The following CMTM8 variants were observed in gnomAD, a reference collection of about 807,000 sequenced individuals.
CMTM8 encodes the protein CKLF-like MARVEL transmembrane domain-containing protein 8.
Under a neutral mutation model 18.6 loss-of-function variants are expected in CMTM8, and 12 were observed. That is an observed-to-expected ratio of 0.65 (90% CI 0.41 to 1.05). The LOEUF (loss-of-function observed/expected upper bound fraction) is 1.05, where lower values mean the gene tolerates loss of function less well. Among genes scored for constraint, CMTM8 ranks in the 50% least tolerant of loss-of-function variants. CMTM8 has a pLI of 0.00. For synonymous variants in CMTM8, 87 were observed against 90.6 expected, an observed-to-expected ratio of 0.96 and a Z score of 0.23; for missense variants, 217 against 227.2, an observed-to-expected ratio of 0.95 and a Z score of 0.29.
chr3:32,366,813 G>A (rs1163561925), intron 2 of CMTM8, among the ~76,000 whole-genome samples: 1 of 152,002 alleles, frequency 6.6e-6, no homozygotes, highest in Non-Finnish European at 1.5e-5. Flanking sequence ...GTCATTTAGT[G>A]AGACCAGGGC....
intron 3 of CMTM8, 73 bp downstream of exon 3, chr3:32,368,061 A>T: frequency 9.8e-7 from 1 of 1,019,258 alleles, no homozygotes; most frequent in Admixed American, 1.9e-5. Flanking sequence ...GGGAAGACAG[A>T]GTCATCTGCA....
Position 32,285,025 on chromosome 3 carries a change from C to T in CMTM8, c.147+45906C>T, listed in dbSNP as rs76345980. On this transcript the variant is annotated intron_variant, in intron 1 of 3. Transcript: ENST00000307526. ...CAGCGAAGGTGATCAAGGTACACAC[C>T]TTTTCCTCATATGACCTGGTTCAAG... Among the ~76,000 whole-genome samples, 18 of 152,288 alleles carry T rather than the reference C, an allele frequency of 1.2e-4. No individual in the cohort carries two copies. The East Asian group carries it at 3.5e-3, about 29-fold the overall frequency.
At chr3:32,336,944 G>C (rs1696401031) in intron 1 of CMTM8, among the ~76,000 whole-genome samples, 1 of 152,114 alleles carries the variant, frequency 6.6e-6, no homozygotes, top group Admixed American at 6.6e-5. Flanking sequence ...CAAGGCCAAG[G>C]GGTCATAGCT....
At chr3:32,329,734 C>G (rs1359766905) in intron 1 of CMTM8, among the ~76,000 whole-genome samples, 5 of 152,146 alleles carry the variant, frequency 3.3e-5, no homozygotes, top group Admixed American at 1.3e-4. Flanking sequence ...CTGACCACCT[C>G]TATTCAACAT....
chr3:32,340,657 G>C (rs544391735), intron 1 of CMTM8, among the ~76,000 whole-genome samples: 1 of 152,318 alleles, frequency 6.6e-6, no homozygotes, highest in South Asian at 2.1e-4. Context: ...TAGCCAGGAG[G>C]CCACATATTC....
At chr3:32,369,638 C>T (rs1695610190) in intron 3 of CMTM8, among the ~76,000 whole-genome samples, 1 of 152,202 alleles carries the variant, frequency 6.6e-6, no homozygotes, top group Non-Finnish European at 1.5e-5. Context: ...CGTATTCACT[C>T]CTAAGTGAAC....
chr3:32,253,601 C>T (rs1268380299), intron 1 of CMTM8, among the ~76,000 whole-genome samples: 4 of 152,146 alleles, frequency 2.6e-5, no homozygotes, highest in African/African-American at 4.8e-5. Context: ...GATCCACCTG[C>T]CTCAGCCTCC....
chr3:32,266,938 A>G (rs1381240180), intron 1 of CMTM8, among the ~76,000 whole-genome samples: 1 of 152,220 alleles, frequency 6.6e-6, no homozygotes, highest in Non-Finnish European at 1.5e-5. Flanking sequence ...CCACTGCTCA[A>G]CAAAATAAAA....
rs144529090 is a variant in CMTM8 at position 32,366,841 on chromosome 3, C to T, written c.322-1031C>T. ...ACCAGGGCTTCTTAGGGGACAGTTT[C>T]GGCAGCCTGACCCTGGGTCTGACTG... On this transcript the variant is annotated intron_variant, in intron 2 of 3. Transcript: ENST00000307526. Among the ~76,000 whole-genome samples, 476 of 127,692 alleles carry T rather than the reference C, an allele frequency of 3.7e-3. 2 individuals are homozygous for T. The highest frequency in any genetic ancestry group is 0.012 in the African/African-American group (444 of 36,574). The allele number at this position is 127,692 out of a possible 152,430, so 83.8% of individuals were successfully genotyped here. A position where few individuals can be genotyped will look rare whatever the true frequency, so the allele number is the denominator to read the frequency against.
intron 1 of CMTM8, among the ~76,000 whole-genome samples, chr3:32,322,948 C>T (rs987794440): frequency 3.3e-5 from 5 of 152,032 alleles, no homozygotes; most frequent in African/African-American, 1.2e-4. Flanking sequence ...ATGGCTTGGG[C>T]GGGGTGGGAC....
At chr3:32,338,845 C>T (rs1235829504) in intron 1 of CMTM8, among the ~76,000 whole-genome samples, 1 of 152,180 alleles carries the variant, frequency 6.6e-6, no homozygotes, top group Non-Finnish European at 1.5e-5. Flanking sequence ...CAGGTGTTTT[C>T]CTAAGGTTCC....
At chr3:32,255,316 C>A (rs561594666) in intron 1 of CMTM8, among the ~76,000 whole-genome samples, 225 of 152,234 alleles carry the variant, frequency 1.5e-3, no homozygotes, top group Non-Finnish European at 1.9e-3. Flanking sequence ...CATATGGTAA[C>A]CCTCCATTTA....
At chr3:32,247,983 T>A (rs1439296437) in intron 1 of CMTM8, among the ~76,000 whole-genome samples, 1 of 152,312 alleles carries the variant, frequency 6.6e-6, no homozygotes, top group South Asian at 2.1e-4. Context: ...GCCCTTTTGG[T>A]CTGACTTAAT....
At chr3:32,266,741 A>G (rs1486760003) in intron 1 of CMTM8, among the ~76,000 whole-genome samples, 1 of 152,192 alleles carries the variant, frequency 6.6e-6, no homozygotes, top group African/African-American at 2.4e-5. Context: ...AAGCTGATAA[A>G]CAACTTCAGC....
chr3:32,280,968 G>A (rs989234060), intron 1 of CMTM8, among the ~76,000 whole-genome samples: 1 of 142,742 alleles, frequency 7.0e-6, no homozygotes, highest in Non-Finnish European at 1.6e-5. Context: ...ACCAGGAGGC[G>A]GCAGAAGTGG....
chr3:32,350,200 T>G (rs1416317445), intron 1 of CMTM8, among the ~76,000 whole-genome samples: 1 of 152,072 alleles, frequency 6.6e-6, no homozygotes, highest in African/African-American at 2.4e-5. Context: ...GCCGCTCCTC[T>G]CCCACCCCCA....
At chr3:32,337,651 T>C (rs1696412466) in intron 1 of CMTM8, among the ~76,000 whole-genome samples, 1 of 152,206 alleles carries the variant, frequency 6.6e-6, no homozygotes, top group South Asian at 2.1e-4. Context: ...CTTCTTAAAC[T>C]TGAGCTGCTT....
At chr3:32,367,004 T>C (rs3867379) in intron 2 of CMTM8, among the ~76,000 whole-genome samples, 86,626 of 151,948 alleles carry the variant, frequency 0.57, 24,976 homozygotes, top group Middle Eastern at 0.68. Context: ...AGCTTTTTTT[T>C]CTCTGAGAAG....
chr3:32,268,431 C>A (rs182055896), intron 1 of CMTM8, among the ~76,000 whole-genome samples: 96 of 152,152 alleles, frequency 6.3e-4, no homozygotes, highest in Middle Eastern at 3.4e-3. Flanking sequence ...ACATCACACC[C>A]CGGGGCCTGT....
Sources: allele counts gnomAD v4.1 joint callset (sites outside exome capture counted in the v4.1 genomes callset), GRCh38; gene constraint gnomAD v4.1.1; transcripts MANE v1.5; gene names NCBI Gene and HGNC (gene_info 2026-07-23, HGNC 2026-07-21).